The following ADCY1 variants were observed in gnomAD, a reference collection of about 807,000 sequenced individuals.
ADCY1 encodes the protein adenylate cyclase 1.
ADCY1 carries 28 observed loss-of-function variants against 105.4 expected under a neutral mutation model. The ratio of observed to expected loss-of-function variants is 0.27; its 90% confidence interval spans 0.20 to 0.36. The LOEUF (loss-of-function observed/expected upper bound fraction) is 0.36. Among genes scored for constraint, ADCY1 ranks in the 10% least tolerant of loss-of-function variants. The pLI, the probability that ADCY1 is intolerant of heterozygous loss-of-function variation, is 1.00. For missense variants in ADCY1, 977 were observed against 1,434.2 expected (o/e 0.68, Z 5.15); for synonymous variants, 655 against 623.8 (o/e 1.05, Z -0.75).
At chr7:45,658,147 A>G (rs1794990131) in intron 6 of ADCY1, among the ~76,000 whole-genome samples, 2 of 152,096 alleles carry the variant, frequency 1.3e-5, no homozygotes, top group Non-Finnish European at 2.9e-5. Context: ...AGAAGGCCAG[A>G]GCAGATGCGT....
intron 3 of ADCY1, among the ~76,000 whole-genome samples, chr7:45,612,267 T>C (rs1323582822): frequency 1.3e-5 from 2 of 152,210 alleles, no homozygotes; most frequent in Non-Finnish European, 1.5e-5. Flanking sequence ...CTCTGCTAGA[T>C]ACTTGGTTCT....
intron 9 of ADCY1, 48 bp downstream of exon 9, chr7:45,678,111 C>T (rs1584325625): frequency 6.2e-7 from 1 of 1,613,702 alleles, no homozygotes; most frequent in Non-Finnish European, 8.5e-7. Context: ...TGCGAAGGCG[C>T]TGCCTGGCTG....
chr7:45,629,611 C>T lies in ADCY1; in HGVS notation c.1020+6868C>T, dbSNP rs573931439. 9.9e-4 allele frequency among the ~76,000 whole-genome samples: 150 copies of T among 152,114 alleles called. 1 individual carries two copies. In the Middle Eastern group the frequency reaches 0.01, roughly 10 times the overall value. On this transcript the variant is annotated intron_variant, in intron 4 of 19. Transcript: ENST00000297323. ...TCGGCTCACTGCAAGCTCCGCTTCC[C>T]GGGTTCACGCCATTCTCCTGCCTTA...
intron 14 of ADCY1, among the ~76,000 whole-genome samples, chr7:45,699,768 G>A (rs1784960641): frequency 6.6e-6 from 1 of 152,124 alleles, no homozygotes; most frequent in Admixed American, 6.5e-5. Flanking sequence ...CGCAGCAGTC[G>A]CAGGCCTTCT....
At chr7:45,593,499 C>T (rs529645340) in intron 2 of ADCY1, among the ~76,000 whole-genome samples, 24 of 152,204 alleles carry the variant, frequency 1.6e-4, no homozygotes, top group Non-Finnish European at 3.2e-4. Context: ...TGCCTAGGTT[C>T]CCACCGCCCT....
At chr7:45,590,915 G>GT (rs1792897547) in intron 1 of ADCY1, among the ~76,000 whole-genome samples, 2 of 152,142 alleles carry the variant, frequency 1.3e-5, no homozygotes, top group African/African-American at 2.4e-5. Flanking sequence ...ACAGGGTCAG[G>GT]TGGGGGTGTG....
At chr7:45,640,849 C>T (rs1224722759) in intron 4 of ADCY1, among the ~76,000 whole-genome samples, 2 of 152,164 alleles carry the variant, frequency 1.3e-5, no homozygotes, top group African/African-American at 4.8e-5. Flanking sequence ...TCATTTACCT[C>T]TCAGGGCTAG....
At chr7:45,695,581 T>C (rs1327418026) in intron 14 of ADCY1, among the ~76,000 whole-genome samples, 4 of 152,210 alleles carry the variant, frequency 2.6e-5, no homozygotes, top group Admixed American at 2.6e-4. Context: ...TGCTTCTCCC[T>C]CCACAGCAGT....
At chr7:45,636,135 T>C (rs939208715) in intron 4 of ADCY1, among the ~76,000 whole-genome samples, 3 of 152,216 alleles carry the variant, frequency 2.0e-5, no homozygotes, top group African/African-American at 7.2e-5. Flanking sequence ...AATAGAGCCA[T>C]TTCAACTTTC....
chr7:45,685,991 C>G lies in ADCY1; in HGVS notation c.2103C>G (p.Ser701=). Residue 701 remains serine (S), a synonymous_variant, in exon 13 of 20, where the codon TCC becomes TCG. Coordinates refer to ENST00000297323, the MANE Select transcript of ADCY1 (RefSeq NM_021116.4). ...GCTGCCTGCCTTGGGCCTGGAGCTC[C>G]AAGCCCAACAGTTCCCTGGTGGTCC... The part of the protein sequence containing the change: ...VVGCLPWAWS[S]KPNSSLVVLS... 6.2e-7 allele frequency: 1 copy of G among 1,613,932 alleles called. No individual in the cohort carries two copies. Among genetic ancestry groups the G allele is most frequent in the African/African-American group, 1.3e-5 (1 of 75,042 alleles).
chr7:45,700,628 A>T (rs1784979752), intron 14 of ADCY1, among the ~76,000 whole-genome samples: 1 of 152,178 alleles, frequency 6.6e-6, no homozygotes, highest in Non-Finnish European at 1.5e-5. Context: ...TCTGAGAATT[A>T]AGAAATGTTT....
chr7:45,626,397 C>T (rs1033975883), intron 4 of ADCY1, among the ~76,000 whole-genome samples: 3 of 152,174 alleles, frequency 2.0e-5, no homozygotes, highest in Admixed American at 2.0e-4. Flanking sequence ...GGTGGAGTGT[C>T]CTGGGAGTCA....
chr7:45,596,115 T>C (rs1472389870), intron 2 of ADCY1, among the ~76,000 whole-genome samples: 1 of 152,248 alleles, frequency 6.6e-6, no homozygotes, highest in Non-Finnish European at 1.5e-5. Context: ...GAGGTGGCCA[T>C]GGCAGCCCTG....
chr7:45,578,517 T>C (rs573994197), intron 1 of ADCY1, among the ~76,000 whole-genome samples: 1 of 151,622 alleles, frequency 6.6e-6, no homozygotes, highest in African/African-American at 2.4e-5. Flanking sequence ...CTGAAGATCA[T>C]GGGGGTGGGG....
chr7:45,640,696 C>T (rs1794507366), intron 4 of ADCY1, among the ~76,000 whole-genome samples: 1 of 152,174 alleles, frequency 6.6e-6, no homozygotes, highest in South Asian at 2.1e-4. Context: ...TTCTAAAAAA[C>T]AACTCAGGGA....
At chr7:45,622,862 C>T in intron 4 of ADCY1, 119 bp downstream of exon 4, 1 of 769,192 alleles carries the variant, frequency 1.3e-6, no homozygotes, top group Non-Finnish European at 2.1e-6. Flanking sequence ...GCATTTCTTC[C>T]AGCAAGGTTA....
chr7:45,574,708 G>C lies in ADCY1; in HGVS notation c.165G>C (p.Arg55=). The change falls in exon 1 of 20, where the codon CGG becomes CGC. Residue 55 remains arginine (R), a synonymous_variant. Transcript: ENST00000297323. The surrounding 1 kb of genome is among the most constrained non-coding windows in gnomAD (Gnocchi z 7.0). ...CGCTGTTCCGCGGCTACACGCTGCGGCTGGAGCAGGCGGCCACGCTGAAGG... is the reference window on the plus strand; with the variant it reads ...CGCTGTTCCGCGGCTACACGCTGCGCCTGGAGCAGGCGGCCACGCTGAAGG... ...LEALFRGYTL[R]LEQAATLKAL... 7.1e-7 allele frequency: 1 copy of C among 1,406,610 alleles called. No homozygotes were observed. Among genetic ancestry groups the C allele is most frequent in the Non-Finnish European group, 9.2e-7 (1 of 1,086,414 alleles). The allele number at this position is 1,406,610 out of a possible 1,614,324, so 87.1% of individuals were successfully genotyped here. A position where few individuals can be genotyped will look rare whatever the true frequency, so the allele number is the denominator to read the frequency against.
chr7:45,647,274 G>A lies in ADCY1; in HGVS notation c.1021-1396G>A, dbSNP rs112446859. ...CTGGGAACTGGGGCTCCCAGCGGTC[G>A]GTGTGGCCTGTCCCTGTCCTGACTC... On this transcript the variant is annotated intron_variant, in intron 4 of 19. Coordinates refer to ENST00000297323, the MANE Select transcript of ADCY1 (RefSeq NM_021116.4). The surrounding 1 kb of genome is among the most constrained non-coding windows in gnomAD (Gnocchi z 4.6). 3.7e-4 allele frequency among the ~76,000 whole-genome samples: 57 copies of A among 152,344 alleles called. No individual in the cohort carries two copies. Among genetic ancestry groups the A allele is most frequent in the Admixed American group, 1.6e-3 (24 of 15,304 alleles).
At chr7:45,664,853 G>T (rs1396964717) in intron 8 of ADCY1, among the ~76,000 whole-genome samples, 1 of 152,122 alleles carries the variant, frequency 6.6e-6, no homozygotes. Flanking sequence ...ATGGTGGTTT[G>T]CTGTACCCAT....
Sources: allele counts gnomAD v4.1 joint callset (sites outside exome capture counted in the v4.1 genomes callset), GRCh38; gene constraint gnomAD v4.1.1; non-coding constraint Gnocchi (gnomAD v3.1); transcripts MANE v1.5; gene names NCBI Gene and HGNC (gene_info 2026-07-23, HGNC 2026-07-21).